MANEA: variants seen among roughly 807,000 people sequenced by gnomAD.
MANEA encodes glycoprotein endo-alpha-1,2-mannosidase.
A neutral mutation model predicts 36.8 loss-of-function variants in MANEA; 25 were observed. That is an observed-to-expected ratio of 0.68 (90% CI 0.50 to 0.95). The LOEUF is 0.95. Among genes scored for constraint, MANEA ranks in the 40% least tolerant of loss-of-function variants. The pLI is 0.00. For synonymous variants in MANEA, 198 were observed against 188.5 expected, an observed-to-expected ratio of 1.05 and a Z score of -0.41; for missense variants, 565 against 558.8, an observed-to-expected ratio of 1.01 and a Z score of -0.11.
chr6:95,585,177 T>A (rs921471077), intron 1 of MANEA, among the ~76,000 whole-genome samples: 9 of 152,136 alleles, frequency 5.9e-5, no homozygotes, highest in African/African-American at 7.2e-5. Flanking sequence ...ATGTCTTTTC[T>A]TAATCAGCCA....
Position 95,598,696 on chromosome 6 carries a change from G to A in MANEA, c.654+1850G>A, listed in dbSNP as rs371441334. Among the ~76,000 whole-genome samples, 19 of 152,184 alleles carry A rather than the reference G, an allele frequency of 1.2e-4. No homozygotes were observed. The South Asian group carries it at 2.3e-3, about 18-fold the overall frequency. On this transcript the variant is annotated intron_variant, in intron 3 of 4. Coordinates refer to ENST00000358812, the MANE Select transcript of MANEA (RefSeq NM_024641.4). ...GCAAAGTTATGAATACCAGGAGATG[G>A]GTATCGGGGGGCCATCTTGAAGAAT...
intron 2 of MANEA, among the ~76,000 whole-genome samples, chr6:95,594,979 G>T (rs934549867): frequency 5.3e-5 from 8 of 151,990 alleles, no homozygotes; most frequent in Non-Finnish European, 1.2e-4. Flanking sequence ...AATAATAATG[G>T]TTATTTTCAT....
intron 3 of MANEA, among the ~76,000 whole-genome samples, chr6:95,599,224 A>G (rs963730267): frequency 6.6e-6 from 1 of 152,142 alleles, no homozygotes; most frequent in African/African-American, 2.4e-5. Context: ...AAAGTTCTTT[A>G]GCTTGATAAA....
intron 3 of MANEA, among the ~76,000 whole-genome samples, chr6:95,601,203 A>T (rs1012339562): frequency 6.6e-6 from 1 of 152,194 alleles, no homozygotes; most frequent in Non-Finnish European, 1.5e-5. Flanking sequence ...TTTTGCAGAG[A>T]GTGTAAAAAT....
At chr6:95,597,427 A>T (rs898611673) in intron 3 of MANEA, among the ~76,000 whole-genome samples, 5 of 152,146 alleles carry the variant, frequency 3.3e-5, no homozygotes, top group Non-Finnish European at 7.4e-5. Context: ...AGTGATGATT[A>T]AAAGTATTTA....
chr6:95,589,975 C>G (rs1373723852), intron 2 of MANEA: 1 of 152,016 alleles, frequency 6.6e-6, no homozygotes, highest in Non-Finnish European at 1.5e-5. Flanking sequence ...ACGAGAGACT[C>G]GACCCCCTGT....
chr6:95,605,722 C>T (rs1769693340), intron 4 of MANEA, 26 bp from the exon 5 acceptor site: 8 of 1,560,874 alleles, frequency 5.1e-6, no homozygotes, highest in Non-Finnish European at 7.0e-6. Context: ...ATATTCATTT[C>T]ACTTTTATAT....
chr6:95,605,622 A>T, intron 4 of MANEA, 126 bp from the exon 5 acceptor site: 1 of 646,436 alleles, frequency 1.5e-6, no homozygotes, highest in Non-Finnish European at 2.7e-6. Flanking sequence ...TACACAACTG[A>T]TTCCCCTAAG....
intron 1 of MANEA, among the ~76,000 whole-genome samples, chr6:95,580,724 CAAAAA>C (rs67844240): frequency 1.7e-5 from 1 of 59,800 alleles, no homozygotes. Flanking sequence ...GACGCCGTCT[CAAAAA>C]AAAAAAAAAA....
chr6:95,597,021 A>G (rs1017449888), intron 3 of MANEA, among the ~76,000 whole-genome samples, 175 bp downstream of exon 3: 4 of 151,976 alleles, frequency 2.6e-5, no homozygotes, highest in African/African-American at 2.4e-5. Context: ...TATCTAAATT[A>G]TATTTTAGAG....
chr6:95,606,855 A>G lies in MANEA; in HGVS notation c.*450A>G, dbSNP rs1401564715. 1 of 152,290 alleles carries G rather than the reference A, an allele frequency of 6.6e-6. No individual in the cohort carries two copies. The highest frequency in any genetic ancestry group is 2.4e-5 in the African/African-American group (1 of 41,452). 9.4% of individuals were successfully genotyped at this position (152,290 alleles called of 1,614,324 possible). ...TGTACATGCTTCATGTCATGTCTTTAAAATAATTTAATCAACTTTATTGTC... is the reference window on the plus strand; with the variant it reads ...TGTACATGCTTCATGTCATGTCTTTGAAATAATTTAATCAACTTTATTGTC... On this transcript the variant is annotated 3_prime_UTR_variant, in exon 5 of 5. Coordinates refer to ENST00000358812, the MANE Select transcript of MANEA (RefSeq NM_024641.4).
At chr6:95,584,828 C>T (rs9481588) in intron 1 of MANEA, among the ~76,000 whole-genome samples, 9 of 152,054 alleles carry the variant, frequency 5.9e-5, no homozygotes, top group Non-Finnish European at 5.9e-5. Context: ...TGTACTCTCT[C>T]TCTTATTTCT....
intron 1 of MANEA, among the ~76,000 whole-genome samples, chr6:95,579,298 G>A (rs6930923): frequency 0.091 from 13,917 of 152,158 alleles, 1,334 homozygotes; most frequent in East Asian, 0.39. Flanking sequence ...GCTTGAACCC[G>A]GGAGGTGGAG....
chr6:95,582,958 C>T (rs537667008), intron 1 of MANEA, among the ~76,000 whole-genome samples: 17 of 152,186 alleles, frequency 1.1e-4, no homozygotes, highest in South Asian at 2.1e-4. Context: ...AGTACGGGTT[C>T]GCTGAAGACT....
chr6:95,599,903 G>A (rs1769556208), intron 3 of MANEA, among the ~76,000 whole-genome samples: 1 of 152,154 alleles, frequency 6.6e-6, no homozygotes, highest in African/African-American at 2.4e-5. Context: ...CTGCAAATAG[G>A]CAAGCCTCCA....
intron 1 of MANEA, among the ~76,000 whole-genome samples, chr6:95,583,332 T>C (rs1769216922): frequency 6.6e-6 from 1 of 152,090 alleles, no homozygotes; most frequent in Middle Eastern, 3.4e-3. Context: ...TATGTATATA[T>C]AATCATACAT....
At chr6:95,596,182 G>A (rs1307319698) in intron 2 of MANEA, among the ~76,000 whole-genome samples, 2 of 152,166 alleles carry the variant, frequency 1.3e-5, no homozygotes, top group East Asian at 1.9e-4. Flanking sequence ...GCAGGGGTGA[G>A]GGGGAGAGGG....
At chr6:95,599,089 A>G (rs1345311604) in intron 3 of MANEA, among the ~76,000 whole-genome samples, 9 of 152,228 alleles carry the variant, frequency 5.9e-5, no homozygotes, top group Non-Finnish European at 1.0e-4. Context: ...GCTGTCTGGC[A>G]CAGAGTAAGC....
At position 95,606,797 on chromosome 6, in the gene MANEA, A is replaced by G. The variant is rs1769723790; in HGVS notation, c.*392A>G. 6.5e-6 allele frequency: 1 copy of G among 152,672 alleles called. No homozygotes were observed. Among genetic ancestry groups the G allele is most frequent in the African/African-American group, 2.4e-5 (1 of 41,460 alleles). 9.5% of individuals were successfully genotyped at this position (152,672 alleles called of 1,614,324 possible). ...GATTGTGTGTATATTTGGGATATCT[A>G]TTGAAGAAAAAAAGAAAACCCCTTA... On this transcript the variant is annotated 3_prime_UTR_variant, in exon 5 of 5. Transcript: ENST00000358812.
Sources: gnomAD v4.1 joint callset for allele counts (sites outside exome capture counted in the v4.1 genomes callset) on GRCh38, gnomAD v4.1.1 for gene constraint, MANE v1.5 for transcripts, NCBI Gene and HGNC (gene_info 2026-07-23, HGNC 2026-07-21) for gene names.